The following MRPS22 variants were observed in gnomAD, a reference collection of about 807,000 sequenced individuals.
MRPS22 encodes small ribosomal subunit protein mS22.
A neutral mutation model predicts 44.0 loss-of-function variants in MRPS22; 30 were observed. That is an observed-to-expected ratio of 0.68 (90% confidence interval 0.51 to 0.93). MRPS22 has a LOEUF of 0.93. Among genes scored for constraint, MRPS22 ranks in the 40% least tolerant of loss-of-function variants. The pLI is 0.00. For missense variants in MRPS22, 447 were observed against 447.8 expected (o/e 1.00, Z 0.02); for synonymous variants, 165 against 154.4 (o/e 1.07, Z -0.51).
At chr3:139,348,875 A>C (rs1352399337) in intron 3 of MRPS22, 1 of 135,052 alleles carries the variant, frequency 7.4e-6, no homozygotes, top group Non-Finnish European at 1.6e-5. Context: ...TCTTTACTTG[A>C]TTGCAAATTT....
At chr3:139,355,912 A>G in intron 7 of MRPS22, 122 bp downstream of exon 7, 1 of 759,826 alleles carries the variant, frequency 1.3e-6, no homozygotes, top group Non-Finnish European at 2.3e-6. Flanking sequence ...TGTGGTCTTG[A>G]AAACATCAGT....
At chr3:139,356,198 A>C (rs1941256473) in intron 7 of MRPS22, among the ~76,000 whole-genome samples, 1 of 152,152 alleles carries the variant, frequency 6.6e-6, no homozygotes, top group Non-Finnish European at 1.5e-5. Flanking sequence ...ACATCGGGGG[A>C]AATGGGCATG....
chr3:139,352,392 C>T, intron 5 of MRPS22: 1 of 415,586 alleles, frequency 2.4e-6, no homozygotes, highest in South Asian at 2.3e-5. Context: ...CCTCAGCTTC[C>T]CAAAGTGTTG....
chr3:139,352,531 G>C (rs530849638), intron 5 of MRPS22, 116 bp from the exon 6 acceptor site: 4 of 876,576 alleles, frequency 4.6e-6, no homozygotes, highest in East Asian at 2.5e-5. Flanking sequence ...GGAGGCAACT[G>C]TAAGTAGACC....
chr3:139,345,894 G>A (rs144079326), intron 1 of MRPS22, among the ~76,000 whole-genome samples: 28 of 152,302 alleles, frequency 1.8e-4, no homozygotes, highest in African/African-American at 5.1e-4. Context: ...AATTGAAGTC[G>A]TGGCAGGATA....
chr3:139,344,821 A>C, intron 1 of MRPS22: 2 of 565,496 alleles, frequency 3.5e-6, no homozygotes, highest in Non-Finnish European at 6.3e-6. Flanking sequence ...TGTCCCATTT[A>C]CACCAAGATG....
chr3:139,346,928 G>A lies in MRPS22; in HGVS notation c.223G>A (p.Val75Ile). 6.2e-7 allele frequency: 1 copy of A among 1,614,174 alleles called. No individual in the cohort carries two copies. The highest frequency in any genetic ancestry group is 8.5e-7 in the Non-Finnish European group (1 of 1,180,020). Residue 75 changes from valine to isoleucine, a missense_variant, in exon 2 of 8, where the codon GTT becomes ATT. Physicochemically the swap from Val to Ile is conservative, Grantham distance 29 (BLOSUM62 3). Coordinates refer to ENST00000680020, the MANE Select transcript of MRPS22 (RefSeq NM_020191.4). ...TKKPTFMDEE[V>I]QSILTKMTGL... ...GAAACCTACATTTATGGATGAGGAA[G>A]TTCAAAGCATACTCACGAAAATGAC...
chr3:139,349,847 G>A (rs1361818387), intron 3 of MRPS22, among the ~76,000 whole-genome samples: 1 of 152,230 alleles, frequency 6.6e-6, no homozygotes. Flanking sequence ...ATAGAGAAAT[G>A]AAAGTTTGGA....
chr3:139,352,639 G>A lies in MRPS22; in HGVS notation c.733-8G>A, dbSNP rs779313162. 9 of 1,612,004 alleles carry A rather than the reference G, an allele frequency of 5.6e-6. No homozygotes were observed. In the Admixed American group the frequency reaches 8.3e-5, roughly 15 times the overall value. On this transcript the variant is annotated splice_region_variant and splice_polypyrimidine_tract_variant and intron_variant, in intron 5 of 7. Transcript: ENST00000680020. ...ATGTTTCTGAAGAGTTGCATTTTAT[G>A]TGGATAGGTTCATCACAAGACCTAT...
chr3:139,352,589 A>G (rs1359250876), intron 5 of MRPS22, 58 bp from the exon 6 acceptor site: 1 of 1,522,538 alleles, frequency 6.6e-7, no homozygotes, highest in Non-Finnish European at 9.1e-7. Context: ...TGTACGTTGA[A>G]TAATGCTGCA....
At chr3:139,353,524 A>G (rs868132031) in intron 6 of MRPS22, among the ~76,000 whole-genome samples, 4 of 152,322 alleles carry the variant, frequency 2.6e-5, no homozygotes, top group South Asian at 4.1e-4. Context: ...GATTATTGCC[A>G]CCTTCAGACT....
Position 139,344,070 on chromosome 3 carries a change from G to A in MRPS22, c.44G>A (p.Arg15Lys). The A allele has an allele frequency of 6.2e-7, 1 of 1,614,158 alleles. No individual in the cohort carries two copies. Among genetic ancestry groups the A allele is most frequent in the Non-Finnish European group, 8.5e-7 (1 of 1,180,014 alleles). ...GTTVLLWSLLRSSPGVERVCF... is the reference protein window; with the variant it reads ...GTTVLLWSLLKSSPGVERVCF... ...ACTGTATTGCTGTGGAGCCTCTTGA[G>A]GAGTTCTCCGGGCGTGGAACGGGTC... The change falls in exon 1 of 8, where the codon AGG becomes AAG. Residue 15 changes from arginine to lysine, a missense_variant. Transcript: ENST00000680020.
chr3:139,344,704 G>A, intron 1 of MRPS22: 2 of 701,138 alleles, frequency 2.9e-6, no homozygotes, highest in Non-Finnish European at 5.2e-6. Context: ...AGATATTTGG[G>A]AACCCATTTT....
intron 5 of MRPS22, 31 bp downstream of exon 5, chr3:139,351,091 C>A (rs1020226922): frequency 1.1e-5 from 16 of 1,505,184 alleles, no homozygotes; most frequent in African/African-American, 1.4e-5. Flanking sequence ...AAAATATAGG[C>A]TTAAGTATGG....
chr3:139,354,543 AT>A (rs1201909111), intron 6 of MRPS22, among the ~76,000 whole-genome samples: 3 of 151,874 alleles, frequency 2.0e-5, no homozygotes, highest in Non-Finnish European at 2.9e-5. Context: ...AACATTTTTT[AT>A]TTTTTTCCCC....
intron 4 of MRPS22, chr3:139,350,679 C>T (rs573425351): frequency 1.1e-5 from 4 of 364,584 alleles, no homozygotes; most frequent in African/African-American, 4.7e-5. Context: ...GCACCCCCCC[C>T]CCGCAATCCG....
chr3:139,350,120 C>T (rs1941116896), intron 3 of MRPS22, 59 bp from the exon 4 acceptor site: 2 of 1,598,688 alleles, frequency 1.3e-6, no homozygotes, highest in South Asian at 1.1e-5. Flanking sequence ...CTTAGTGGGA[C>T]ACAGGAACTA....
intron 2 of MRPS22, among the ~76,000 whole-genome samples, chr3:139,347,525 T>G (rs1941062739): frequency 6.6e-6 from 1 of 152,202 alleles, no homozygotes; most frequent in African/African-American, 2.4e-5. Context: ...GATTCAAAAG[T>G]AATTTATAGT....
intron 1 of MRPS22, among the ~76,000 whole-genome samples, chr3:139,345,259 A>G (rs1222793916): frequency 6.6e-6 from 1 of 152,164 alleles, no homozygotes; most frequent in Non-Finnish European, 1.5e-5. Context: ...TCTTGATTAC[A>G]TTTTAAAGAG....
Sources: allele counts gnomAD v4.1 joint callset (sites outside exome capture counted in the v4.1 genomes callset), GRCh38; gene constraint gnomAD v4.1.1; transcripts MANE v1.5; gene names NCBI Gene and HGNC (gene_info 2026-07-23, HGNC 2026-07-21).